Variants in EFR3A observed in about 807,000 individuals in gnomAD.
The protein encoded by EFR3A is protein EFR3 homolog A.
Under a neutral mutation model 104.4 loss-of-function variants are expected in EFR3A, and 76 were observed. The ratio of observed to expected loss-of-function variants is 0.73; its 90% CI spans 0.60 to 0.88. The LOEUF (loss-of-function observed/expected upper bound fraction) is 0.88. Ranked by LOEUF, EFR3A falls within the 40% of genes least tolerant of loss-of-function variation. The pLI, the probability that EFR3A is intolerant of heterozygous loss-of-function variation, is 0.00. For missense variants in EFR3A, 985 were observed against 1,012.5 expected (o/e 0.97, Z 0.37); for synonymous variants, 330 against 330.0 (o/e 1.00, Z 0.00).
intron 1 of EFR3A, among the ~76,000 whole-genome samples, chr8:131,912,437 C>T (rs16904547): frequency 0.14 from 21,601 of 152,164 alleles, 1,610 homozygotes; most frequent in South Asian, 0.23. Flanking sequence ...TTTTTGGTCT[C>T]TTAGATTACC....
intron 1 of EFR3A, among the ~76,000 whole-genome samples, chr8:131,912,997 T>G (rs1392345470): frequency 1.4e-5 from 2 of 144,296 alleles, no homozygotes; most frequent in Non-Finnish European, 1.5e-5. Context: ...TTTTTTTTTT[T>G]TTTGAAAGGA....
chr8:131,993,124 G>C (rs1410046106), intron 18 of EFR3A, among the ~76,000 whole-genome samples: 1 of 152,118 alleles, frequency 6.6e-6, no homozygotes, highest in African/African-American at 2.4e-5. Flanking sequence ...TATAATACAA[G>C]GGACAGCTTC....
rs972489499 is a variant in EFR3A at position 132,003,346 on chromosome 8, C to T, written c.2360+61C>T. ...ACACACGAATAGAAACTGACAGACCCCTATGAATTTGTGGTTCATTATGTT... is the reference window on the plus strand; with the variant it reads ...ACACACGAATAGAAACTGACAGACCTCTATGAATTTGTGGTTCATTATGTT... On this transcript the variant is annotated intron_variant, in intron 22 of 22. Transcript: ENST00000254624. The T allele has an allele frequency of 2.8e-6, 4 of 1,437,184 alleles. No homozygotes were observed. In the African/African-American group the frequency reaches 4.3e-5, roughly 15 times the overall value. 89.0% of individuals were successfully genotyped at this position (1,437,184 alleles called of 1,614,324 possible).
intron 18 of EFR3A, among the ~76,000 whole-genome samples, chr8:131,995,604 T>C (rs550215004): frequency 6.6e-6 from 1 of 152,210 alleles, no homozygotes; most frequent in Non-Finnish European, 1.5e-5. Context: ...GGGCTAGGAA[T>C]AGCTTTTGAA....
At chr8:131,912,194 G>T (rs1334049890) in intron 1 of EFR3A, among the ~76,000 whole-genome samples, 3 of 152,154 alleles carry the variant, frequency 2.0e-5, no homozygotes, top group Non-Finnish European at 4.4e-5. Context: ...CTAGATAATG[G>T]TGTGGTACTA....
chr8:131,970,691 C>A (rs770899390), intron 10 of EFR3A, 48 bp downstream of exon 10: 18 of 1,540,848 alleles, frequency 1.2e-5, no homozygotes, highest in Non-Finnish European at 1.5e-5. Flanking sequence ...CAGTGATTTA[C>A]AAAGCTCTCA....
At chr8:131,984,381 G>A in intron 15 of EFR3A, 81 bp downstream of exon 15, 1 of 1,335,708 alleles carries the variant, frequency 7.5e-7, no homozygotes, top group Non-Finnish European at 9.9e-7. Context: ...GTTATCCAAG[G>A]ACATGAATTT....
intron 12 of EFR3A, among the ~76,000 whole-genome samples, chr8:131,978,421 A>T (rs1284512462): frequency 1.3e-5 from 2 of 152,176 alleles, no homozygotes; most frequent in Non-Finnish European, 2.9e-5. Flanking sequence ...AAAATGAAAG[A>T]ATAATTTGCA....
In EFR3A at chr8:131,904,121, G is replaced by A; in HGVS notation, c.-192G>A. 1 of 556,396 alleles carries A rather than the reference G, an allele frequency of 1.8e-6. No homozygotes were observed. The highest frequency in any genetic ancestry group is 2.7e-6 in the Non-Finnish European group (1 of 376,420). The allele number at this position is 556,396 out of a possible 1,614,324, so 34.5% of individuals were successfully genotyped here. On this transcript the variant is annotated 5_prime_UTR_variant, in exon 1 of 23. Coordinates refer to ENST00000254624, the MANE Select transcript of EFR3A (RefSeq NM_015137.6). ...CGTCGCGCCGCCCGGCGAGGAGTGGGCTGGCGGCGGTAGCTGTCGCCCGCT... is the reference window on the plus strand; with the variant it reads ...CGTCGCGCCGCCCGGCGAGGAGTGGACTGGCGGCGGTAGCTGTCGCCCGCT...
In EFR3A at chr8:131,919,154, T is replaced by C. The variant is rs550981028; in HGVS notation, c.10+14832T>C. On this transcript the variant is annotated intron_variant, in intron 1 of 22. Transcript: ENST00000254624. ...CAAACCTATCTTTTTTCCCCCCATATTCAGCTTTTCATTTTGGACAATAGG... is the reference window on the plus strand; with the variant it reads ...CAAACCTATCTTTTTTCCCCCCATACTCAGCTTTTCATTTTGGACAATAGG... Among the ~76,000 whole-genome samples the C allele has an allele frequency of 6.6e-4, 101 of 152,246 alleles. 1 individual carries two copies. Among genetic ancestry groups the C allele is most frequent in the Non-Finnish European group, 9.4e-4 (64 of 68,006 alleles).
intron 1 of EFR3A, among the ~76,000 whole-genome samples, chr8:131,939,562 T>C (rs761685471): frequency 4.6e-5 from 7 of 152,170 alleles, no homozygotes; most frequent in African/African-American, 7.2e-5. Flanking sequence ...TAACAAAATT[T>C]CCCATTCTTA....
chr8:132,011,540 A>G lies in EFR3A; in HGVS notation c.*645A>G. ...TACTTTAAATTGTCTGGTTCTTGTAATATTGTGTTTCCTGCCAAGAGTTTG... is the reference window on the plus strand; with the variant it reads ...TACTTTAAATTGTCTGGTTCTTGTAGTATTGTGTTTCCTGCCAAGAGTTTG... On this transcript the variant is annotated 3_prime_UTR_variant, in exon 23 of 23. Coordinates refer to ENST00000254624, the MANE Select transcript of EFR3A (RefSeq NM_015137.6). 1.6e-6 allele frequency: 1 copy of G among 631,892 alleles called. No individual in the cohort carries two copies. Among genetic ancestry groups the G allele is most frequent in the Non-Finnish European group, 2.0e-6 (1 of 506,818 alleles). 39.1% of individuals were successfully genotyped at this position (631,892 alleles called of 1,614,324 possible). A position where few individuals can be genotyped will look rare whatever the true frequency, so the allele number is the denominator to read the frequency against.
intron 6 of EFR3A, among the ~76,000 whole-genome samples, chr8:131,954,502 T>C (rs2130623099): frequency 6.6e-6 from 1 of 152,018 alleles, no homozygotes; most frequent in East Asian, 1.9e-4. Context: ...ATTTTTTCTT[T>C]TTCCTCTACA....
chr8:131,955,623 T>C, intron 6 of EFR3A, 145 bp from the exon 7 acceptor site: 2 of 805,042 alleles, frequency 2.5e-6, no homozygotes, highest in Non-Finnish European at 3.7e-6. Context: ...GGTGTTAAAT[T>C]CATGAAATTA....
intron 1 of EFR3A, among the ~76,000 whole-genome samples, chr8:131,922,096 T>A (rs1050412174): frequency 6.6e-6 from 1 of 152,170 alleles, no homozygotes; most frequent in Non-Finnish European, 1.5e-5. Flanking sequence ...GTATTTACTG[T>A]AGTCCTTGGA....
At position 131,986,211 on chromosome 8, in the gene EFR3A, T is replaced by A; in HGVS notation, c.1887T>A (p.Thr629=). ...TTTTTTAGGTTATTGAAATTCGAAC[T>A]ATGGAAGCCCCTTATTTTCTACCAG... ...QHVSKVIEIR[T]MEAPYFLPEH... Residue 629 remains threonine, a synonymous_variant, in exon 17 of 23, where the codon ACT becomes ACA. Transcript: ENST00000254624. 6.3e-7 allele frequency: 1 copy of A among 1,591,728 alleles called. No individual in the cohort carries two copies. Among genetic ancestry groups the A allele is most frequent in the Non-Finnish European group, 8.6e-7 (1 of 1,162,924 alleles).
intron 22 of EFR3A, among the ~76,000 whole-genome samples, chr8:132,004,826 C>CT (rs1220216681): frequency 5.3e-5 from 8 of 152,272 alleles, no homozygotes; most frequent in Admixed American, 2.0e-4. Flanking sequence ...GGGCATACAG[C>CT]TAATGAGTGG....
At position 131,998,778 on chromosome 8, in the gene EFR3A, C is replaced by A. The variant is rs552167565; in HGVS notation, c.2157+2281C>A. 1.8e-3 allele frequency among the ~76,000 whole-genome samples: 277 copies of A among 151,986 alleles called. 2 individuals are homozygous for A. Among genetic ancestry groups the A allele is most frequent in the African/African-American group, 6.5e-3 (269 of 41,470 alleles). The stretch of plus-strand genomic sequence containing the variant: ...CAAAGCAAGAGGGAGATTTGAGAGA[C>A]TCAAGGTAAAAGGTATTTTTAGAGA... On this transcript the variant is annotated intron_variant, in intron 19 of 22. Coordinates refer to ENST00000254624, the MANE Select transcript of EFR3A (RefSeq NM_015137.6).
At chr8:131,969,436 C>T (rs62521274) in intron 9 of EFR3A, among the ~76,000 whole-genome samples, 18,340 of 151,944 alleles carry the variant, frequency 0.12, 1,450 homozygotes, top group Middle Eastern at 0.26. Flanking sequence ...ATATACTTCA[C>T]ATCATCTTTA....
Sources: allele counts gnomAD v4.1 joint callset (sites outside exome capture counted in the v4.1 genomes callset), GRCh38; gene constraint gnomAD v4.1.1; transcripts MANE v1.5; gene names NCBI Gene and HGNC (gene_info 2026-07-23, HGNC 2026-07-21).